LEO1: variants seen among roughly 807,000 people sequenced by gnomAD.
LEO1 encodes the protein LEO1 component of Paf1/RNA polymerase II complex, also known as RNA polymerase-associated protein LEO1.
A neutral mutation model predicts 80.4 loss-of-function variants in LEO1; 34 were observed. That is an observed-to-expected ratio of 0.42 (90% CI 0.32 to 0.56). The LOEUF (loss-of-function observed/expected upper bound fraction) is 0.56, where lower values mean the gene tolerates loss of function less well. Ranked by LOEUF, LEO1 falls within the 20% of genes least tolerant of loss-of-function variation. LEO1 has a pLI of 0.10. For synonymous variants in LEO1, 262 were observed against 274.9 expected (o/e 0.95, Z 0.46); for missense variants, 631 against 814.2 (o/e 0.77, Z 2.74).
intron 8 of LEO1, chr15:51,952,219 T>C (rs1595936588): frequency 1.3e-5 from 5 of 375,054 alleles, no homozygotes; most frequent in East Asian, 8.8e-5. Context: ...AAAGATTGTA[T>C]GGCATGATCA....
chr15:51,964,123 G>T (rs1439327720), intron 2 of LEO1, among the ~76,000 whole-genome samples: 1 of 150,668 alleles, frequency 6.6e-6, no homozygotes, highest in Non-Finnish European at 1.5e-5. Flanking sequence ...GGAGAATGGC[G>T]TGAACCCAGG....
chr15:51,954,449 A>G, intron 7 of LEO1, 32 bp downstream of exon 7: 1 of 1,339,682 alleles, frequency 7.5e-7, no homozygotes, highest in Non-Finnish European at 1.1e-6. Flanking sequence ...CGTTCTGGGT[A>G]TGTCAATACC....
intron 2 of LEO1, among the ~76,000 whole-genome samples, chr15:51,964,622 A>G (rs1356010966): frequency 3.3e-5 from 5 of 151,764 alleles, no homozygotes; most frequent in African/African-American, 4.8e-5. Context: ...ACACAGATCT[A>G]TATTCATCTC....
chr15:51,951,790 C>T (rs980019011), intron 9 of LEO1, 54 bp downstream of exon 9: 28 of 1,530,398 alleles, frequency 1.8e-5, no homozygotes, highest in Admixed American at 1.4e-4. Flanking sequence ...TTGGGAAATA[C>T]TTGCCTAATA....
chr15:51,941,320 G>C (rs1381104556), intron 11 of LEO1, among the ~76,000 whole-genome samples: 1 of 152,132 alleles, frequency 6.6e-6, no homozygotes, highest in Non-Finnish European at 1.5e-5. Context: ...CTAAAAGAAA[G>C]CTTGCTAATA....
At chr15:51,967,514 T>C (rs1283143282) in intron 1 of LEO1, among the ~76,000 whole-genome samples, 3 of 133,580 alleles carry the variant, frequency 2.2e-5, no homozygotes, top group Admixed American at 1.6e-4. Flanking sequence ...CCCAAATTTA[T>C]GAAAAATATA....
intron 2 of LEO1, among the ~76,000 whole-genome samples, chr15:51,965,388 G>A (rs1056716857): frequency 6.6e-6 from 1 of 152,052 alleles, no homozygotes; most frequent in East Asian, 1.9e-4. Context: ...TTTTCCCCAG[G>A]CTAATCTATT....
chr15:51,959,066 G>A (rs987660119), intron 5 of LEO1, among the ~76,000 whole-genome samples: 8 of 150,112 alleles, frequency 5.3e-5, no homozygotes, highest in African/African-American at 2.0e-4. Context: ...GCAATGGCAC[G>A]ATCTCGGCTC....
At chr15:51,959,136 G>A (rs1236672539) in intron 5 of LEO1, among the ~76,000 whole-genome samples, 1 of 151,802 alleles carries the variant, frequency 6.6e-6, no homozygotes, top group East Asian at 1.9e-4. Context: ...CCGAGTAGCT[G>A]GGATTACAGG....
intron 2 of LEO1, among the ~76,000 whole-genome samples, chr15:51,965,487 C>A (rs930859871): frequency 5.9e-5 from 9 of 152,196 alleles, no homozygotes; most frequent in African/African-American, 1.9e-4. Context: ...ATCCCTCCCT[C>A]TAAGACTCAA....
intron 1 of LEO1, among the ~76,000 whole-genome samples, chr15:51,968,038 G>A (rs559910522): frequency 6.6e-6 from 1 of 151,722 alleles, no homozygotes; most frequent in East Asian, 2.0e-4. Flanking sequence ...ACAAAAATTA[G>A]CCAGGCATGG....
chr15:51,962,533 A>G lies in LEO1; in HGVS notation c.815-40T>C, dbSNP rs772545516. The stretch of plus-strand genomic sequence containing the variant: ...TTAGAAGTTCTGCATAATCAGTCGC[A>G]TTAGTTGAATTTTGTGTTTTAAAAG... On this transcript the variant is annotated intron_variant, in intron 2 of 11. Coordinates refer to ENST00000299601, the MANE Select transcript of LEO1 (RefSeq NM_138792.4). The G allele has an allele frequency of 1.1e-5, 15 of 1,403,756 alleles. 1 individual carries two copies. The highest frequency in any genetic ancestry group is 8.5e-5 in the African/African-American group (6 of 70,288). 87.0% of individuals were successfully genotyped at this position (1,403,756 alleles called of 1,614,324 possible). A position where few individuals can be genotyped will look rare whatever the true frequency, so the allele number is the denominator to read the frequency against.
intron 3 of LEO1, 36 bp from the exon 4 acceptor site, chr15:51,960,769 A>G (rs1302994265): frequency 3.3e-6 from 4 of 1,203,698 alleles, no homozygotes; most frequent in Non-Finnish European, 5.0e-6. Context: ...TAGTGTTACT[A>G]TCTGTAACTA....
At chr15:51,939,991 C>G (rs1042337692) in intron 11 of LEO1, among the ~76,000 whole-genome samples, 1 of 152,210 alleles carries the variant, frequency 6.6e-6, no homozygotes, top group South Asian at 2.1e-4. Context: ...CGCGATGGCT[C>G]ACGCCTGTAA....
At chr15:51,938,316 G>T in intron 11 of LEO1, 56 bp from the exon 12 acceptor site, 2 of 1,078,496 alleles carry the variant, frequency 1.9e-6, no homozygotes, top group Non-Finnish European at 2.7e-6. Flanking sequence ...TTTTTAGGAT[G>T]GTTTATGAAA....
intron 11 of LEO1, among the ~76,000 whole-genome samples, chr15:51,946,783 C>G (rs2056905328): frequency 6.6e-6 from 1 of 152,124 alleles, no homozygotes; most frequent in African/African-American, 2.4e-5. Flanking sequence ...CTCAAGCAAT[C>G]TGTCTGCCTA....
At chr15:51,960,768 T>C (rs369858112) in intron 3 of LEO1, 35 bp from the exon 4 acceptor site, 23 of 1,199,196 alleles carry the variant, frequency 1.9e-5, no homozygotes, top group Non-Finnish European at 2.7e-5. Flanking sequence ...TTAGTGTTAC[T>C]ATCTGTAACT....
intron 6 of LEO1, among the ~76,000 whole-genome samples, chr15:51,957,432 T>G (rs1595940265): frequency 6.6e-6 from 1 of 151,928 alleles, no homozygotes; most frequent in Admixed American, 6.6e-5. Context: ...AATAAACAGA[T>G]GAGTAGATGG....
At chr15:51,964,122 C>T (rs1203542054) in intron 2 of LEO1, among the ~76,000 whole-genome samples, 3 of 151,500 alleles carry the variant, frequency 2.0e-5, no homozygotes, top group Non-Finnish European at 4.4e-5. Context: ...AGGAGAATGG[C>T]GTGAACCCAG....
Sources: allele counts gnomAD v4.1 joint callset (sites outside exome capture counted in the v4.1 genomes callset), GRCh38; gene constraint gnomAD v4.1.1; transcripts MANE v1.5; gene names NCBI Gene and HGNC (gene_info 2026-07-23, HGNC 2026-07-21).